NRG1: variants seen among roughly 807,000 people sequenced by gnomAD.
NRG1 encodes the protein pro-neuregulin-1, membrane-bound isoform.
In NRG1, 18 loss-of-function variants were observed where a neutral mutation model predicts 63.8. That is an observed-to-expected ratio of 0.28 (90% CI 0.19 to 0.42). The LOEUF is 0.42. NRG1 is among the 10% of genes least tolerant of loss of function. The probability of loss-of-function intolerance (pLI) is 1.00; values close to 1 mark genes in which losing one functional copy is unlikely to be tolerated. For synonymous variants in NRG1, 302 were observed against 301.3 expected (o/e 1.00, Z -0.02); for missense variants, 762 against 814.7 (o/e 0.94, Z 0.79).
chr8:32,581,305 G>A (rs980239212), intron 1 of NRG1, among the ~76,000 whole-genome samples: 8 of 152,178 alleles, frequency 5.3e-5, no homozygotes, highest in African/African-American at 1.7e-4. Flanking sequence ...AATATAGAGC[G>A]TTCTAATGTG....
chr8:32,302,328 G>A (rs1271868662), intron 1 of NRG1, among the ~76,000 whole-genome samples: 1 of 152,196 alleles, frequency 6.6e-6, no homozygotes, highest in African/African-American at 2.4e-5. Flanking sequence ...ACTCCAACCT[G>A]TTGTGCCTTA....
rs555476815 is a variant in NRG1 at position 31,918,995 on chromosome 8, T to C, written c.37+279564T>C. Among the ~76,000 whole-genome samples, 655 of 152,218 alleles carry C rather than the reference T, an allele frequency of 4.3e-3. 11 individuals are homozygous for C. The highest frequency in any genetic ancestry group is 0.015 in the African/African-American group (641 of 41,526). ...ATTTTCTAGTTTATTTGCATAGAGG[T>C]GTTTGTAGTATTATCTGATGGTAGT... On this transcript the variant is annotated intron_variant, in intron 1 of 10. Coordinates refer to the NRG1 transcript ENST00000519301.
intron 1 of NRG1, among the ~76,000 whole-genome samples, chr8:31,897,153 T>C (rs1214986391): frequency 2.6e-5 from 4 of 152,142 alleles, no homozygotes; most frequent in Non-Finnish European, 5.9e-5. Flanking sequence ...CTCCCAACCA[T>C]CTGAGTGGAC....
chr8:32,632,688 G>A (rs920118068), intron 5 of NRG1, among the ~76,000 whole-genome samples: 1 of 152,062 alleles, frequency 6.6e-6, no homozygotes, highest in Non-Finnish European at 1.5e-5. Context: ...ATTTTCATCA[G>A]AATTAACTGA....
intron 1 of NRG1, among the ~76,000 whole-genome samples, chr8:32,055,307 A>G (rs1185694886): frequency 3.9e-5 from 6 of 152,174 alleles, no homozygotes. Flanking sequence ...ATATCTTTCT[A>G]TATAACACAT....
At chr8:32,669,605 G>A (rs1040513105) in intron 5 of NRG1, among the ~76,000 whole-genome samples, 3 of 152,268 alleles carry the variant, frequency 2.0e-5, no homozygotes, top group East Asian at 1.9e-4. Flanking sequence ...TCTGTTGTGC[G>A]CTGACATTTA....
exon 10 of NRG1, chr8:32,759,387 A>C (rs566054224): frequency 1.9e-6 from 3 of 1,613,952 alleles, no homozygotes. Context: ...CAGTCACTAT[A>C]CTTCCACAGC....
intron 7 of NRG1, among the ~76,000 whole-genome samples, chr8:32,753,080 T>C (rs1016135180): frequency 1.3e-5 from 2 of 152,236 alleles, no homozygotes; most frequent in Admixed American, 6.5e-5. Context: ...TATGGAAATA[T>C]GCTTTGAGGT....
intron 1 of NRG1, among the ~76,000 whole-genome samples, chr8:31,737,634 C>A (rs1338266094): frequency 6.6e-6 from 1 of 152,128 alleles, no homozygotes; most frequent in Non-Finnish European, 1.5e-5. Flanking sequence ...CCTTAGTAAG[C>A]TGCCTATCAG....
At chr8:32,257,555 CT>C (rs1454019174) in intron 1 of NRG1, among the ~76,000 whole-genome samples, 4 of 132,056 alleles carry the variant, frequency 3.0e-5, no homozygotes, top group Non-Finnish European at 6.9e-5. Context: ...GTGTTAGTAG[CT>C]GACGATTTTT....
chr8:32,742,292 C>T lies in NRG1; in HGVS notation c.633-383C>T, dbSNP rs566945661. 9.2e-5 allele frequency among the ~76,000 whole-genome samples: 14 copies of T among 152,158 alleles called. No individual in the cohort carries two copies. The highest frequency in any genetic ancestry group is 2.9e-4 in the African/African-American group (12 of 41,538). The stretch of plus-strand genomic sequence containing the variant: ...ACAAGAATGGCCAGTCACGATGGCC[C>T]GTGATGCTGACAAACTATTGCAGGC... On this transcript the variant is annotated intron_variant, in intron 6 of 11. Transcript: ENST00000356819. This position sits in a 1 kb window ranked among gnomAD's most constrained non-coding sequence, Gnocchi z 4.2.
intron 1 of NRG1, among the ~76,000 whole-genome samples, chr8:32,052,998 A>G (rs538674036): frequency 6.6e-6 from 1 of 152,316 alleles, no homozygotes; most frequent in African/African-American, 2.4e-5. Context: ...TACTCAGAAA[A>G]CTGTGGTAGT....
chr8:31,785,639 A>T lies in NRG1; in HGVS notation c.37+146208A>T, dbSNP rs559011671. 7.2e-5 allele frequency among the ~76,000 whole-genome samples: 11 copies of T among 152,242 alleles called. No homozygotes were observed. The South Asian group carries it at 2.1e-3, about 29-fold the overall frequency. ...TCAAATTTGTTTTCAAATCCCCATC[A>T]CTTCATTTAACTTCATTCAGACACT... is the stretch of plus-strand genomic sequence containing the variant. On this transcript the variant is annotated intron_variant, in intron 1 of 10. Transcript: ENST00000519301.
intron 1 of NRG1, among the ~76,000 whole-genome samples, chr8:31,858,402 G>T (rs1472587616): frequency 6.6e-6 from 1 of 152,112 alleles, no homozygotes; most frequent in Non-Finnish European, 1.5e-5. Flanking sequence ...CTTGATAAGT[G>T]GATGCCTCAT....
At chr8:32,344,394 T>TTCTCTTTC (rs1586939928) in intron 1 of NRG1, among the ~76,000 whole-genome samples, 7 of 133,700 alleles carry the variant, frequency 5.2e-5, no homozygotes, top group East Asian at 2.1e-4. Context: ...CTTTCTTTCT[T>TTCTCTTTC]TTTTGTGCAT....
At chr8:32,483,905 C>T (rs928527872) in intron 1 of NRG1, among the ~76,000 whole-genome samples, 14 of 152,108 alleles carry the variant, frequency 9.2e-5, no homozygotes, top group Non-Finnish European at 2.1e-4. Flanking sequence ...GAGATCGAGA[C>T]CATCCTGGCT....
chr8:32,449,256 C>T (rs374799211), intron 1 of NRG1, among the ~76,000 whole-genome samples: 66 of 151,926 alleles, frequency 4.3e-4, no homozygotes, highest in African/African-American at 1.6e-3. Context: ...GTGAGTGCAC[C>T]ACCATACTCT....
intron 1 of NRG1, among the ~76,000 whole-genome samples, chr8:32,346,453 A>G (rs372639243): frequency 6.6e-6 from 1 of 151,774 alleles, no homozygotes; most frequent in Non-Finnish European, 1.5e-5. Context: ...ATAAGCATGC[A>G]TATATATACA....
intron 1 of NRG1, among the ~76,000 whole-genome samples, chr8:32,517,764 G>C (rs142034438): frequency 6.6e-6 from 1 of 152,278 alleles, no homozygotes; most frequent in Non-Finnish European, 1.5e-5. Context: ...GGACTGGCCT[G>C]TATGGGGTCA....
Sources: allele counts gnomAD v4.1 joint callset (sites outside exome capture counted in the v4.1 genomes callset), GRCh38; gene constraint gnomAD v4.1.1; non-coding constraint Gnocchi (gnomAD v3.1); transcripts MANE v1.5; gene names NCBI Gene and HGNC (gene_info 2026-07-23, HGNC 2026-07-21).